The following DOCK4 variants were observed in gnomAD, a reference collection of about 807,000 sequenced individuals.
DOCK4 encodes dedicator of cytokinesis protein 4.
In DOCK4, 97 loss-of-function variants were observed where a neutral mutation model predicts 268.1. That is an observed-to-expected ratio of 0.36 (90% CI 0.31 to 0.43). The LOEUF (loss-of-function observed/expected upper bound fraction) is 0.43. DOCK4 is among the 20% of genes least tolerant of loss of function. The pLI, the probability that DOCK4 is intolerant of heterozygous loss-of-function variation, is 1.00. For synonymous variants in DOCK4, 954 were observed against 887.2 expected (o/e 1.08, Z -1.34); for missense variants, 2,145 against 2,455.7 (o/e 0.87, Z 2.67).
At chr7:112,175,273 TATAAC>T (rs1238007294) in intron 1 of DOCK4, among the ~76,000 whole-genome samples, 4 of 152,166 alleles carry the variant, frequency 2.6e-5, no homozygotes, top group Admixed American at 6.5e-5. Context: ...AAAATTAAAC[TATAAC>T]ATGAGTCTCT....
intron 17 of DOCK4, among the ~76,000 whole-genome samples, chr7:111,875,478 C>A (rs970511108): frequency 6.6e-6 from 1 of 152,162 alleles, no homozygotes; most frequent in Non-Finnish European, 1.5e-5. Flanking sequence ...GCCTCAAGAA[C>A]CTGTTCCAAG....
At chr7:111,731,421 C>A (rs1238049734) in intron 52 of DOCK4, among the ~76,000 whole-genome samples, 1 of 152,178 alleles carries the variant, frequency 6.6e-6, no homozygotes, top group Admixed American at 6.5e-5. Flanking sequence ...GCGTGTAAAT[C>A]CTAAGTCACT....
At chr7:111,961,988 A>C (rs924274494) in intron 8 of DOCK4, among the ~76,000 whole-genome samples, 29 of 152,328 alleles carry the variant, frequency 1.9e-4, no homozygotes, top group African/African-American at 7.0e-4. Context: ...CTAGAAGTTC[A>C]ACCAAGAGCT....
At chr7:111,742,363 T>C (rs773043941) in intron 44 of DOCK4, among the ~76,000 whole-genome samples, 1 of 152,212 alleles carries the variant, frequency 6.6e-6, no homozygotes, top group Non-Finnish European at 1.5e-5. Flanking sequence ...ATTTCAGACT[T>C]AATTTTCCTA....
At position 111,791,070 on chromosome 7, in the gene DOCK4, T is replaced by TTATATATATATATA. The variant is rs35033313; in HGVS notation, c.3167-479_3167-466dup. Among the ~76,000 whole-genome samples the TTATATATATATATA allele has an allele frequency of 1.8e-3, 176 of 95,408 alleles. 2 individuals carry two copies. Among genetic ancestry groups the TTATATATATATATA allele is most frequent in the African/African-American group, 8.5e-3 (141 of 16,504 alleles). 62.6% of individuals were successfully genotyped at this position (95,408 alleles called of 152,430 possible). On this transcript the variant is annotated intron_variant, in intron 30 of 52. Transcript: ENST00000428084. ...AAGACTCTGTCTCAAAAAAAAAAAA[T>TTATATATATATATA]TATATATATATATATATATATATAT...
chr7:111,955,815 T>G (rs1796408519), intron 8 of DOCK4, among the ~76,000 whole-genome samples: 2 of 152,236 alleles, frequency 1.3e-5, no homozygotes, highest in Non-Finnish European at 2.9e-5. Context: ...TTTGACTGAC[T>G]GTTGATTTAA....
At chr7:112,205,948 C>T (rs1057127327) in intron 1 of DOCK4, among the ~76,000 whole-genome samples, 154 bp downstream of exon 1, 4 of 152,298 alleles carry the variant, frequency 2.6e-5, no homozygotes, top group African/African-American at 9.6e-5. Flanking sequence ...AGCCCTCTGC[C>T]TGGAGCTGGC....
chr7:111,958,132 T>G (rs1194769195), intron 8 of DOCK4, among the ~76,000 whole-genome samples: 1 of 152,180 alleles, frequency 6.6e-6, no homozygotes, highest in Non-Finnish European at 1.5e-5. Flanking sequence ...AATAATAGCA[T>G]GATCTCTTAA....
At chr7:111,982,274 C>T (rs556334897) in intron 7 of DOCK4, among the ~76,000 whole-genome samples, 18 of 152,316 alleles carry the variant, frequency 1.2e-4, no homozygotes, top group African/African-American at 4.3e-4. Context: ...CATAAAACCA[C>T]AACCAAACCC....
At chr7:111,924,505 C>T (rs540251275) in intron 12 of DOCK4, among the ~76,000 whole-genome samples, 1 of 152,234 alleles carries the variant, frequency 6.6e-6, no homozygotes, top group South Asian at 2.1e-4. Context: ...CTGGTGCAGG[C>T]AGGAAGGAGA....
At position 111,847,081 on chromosome 7, in the gene DOCK4, A is replaced by T. The variant is rs1479233544; in HGVS notation, c.2519T>A (p.Ile840Asn). The part of the protein sequence containing the change: ...LLPVVLHHLH[I>N]HLQEQKDLIM... ...CAGGTCCTTCTGTTCTTGCAAGTGAATGTGGAGGTGATGTAACACGACAGG... is the reference window on the plus strand; with the variant it reads ...CAGGTCCTTCTGTTCTTGCAAGTGATTGTGGAGGTGATGTAACACGACAGG... The change falls in exon 24 of 53, where the codon ATT becomes AAT. Residue 840 changes from isoleucine (I) to asparagine (N), a missense_variant. Ile to Asn is a moderately radical substitution (Grantham distance 149). Coordinates refer to ENST00000428084, the MANE Select transcript of DOCK4 (RefSeq NM_001363540.2). The T allele has an allele frequency of 9.3e-6, 15 of 1,613,732 alleles. No individual in the cohort carries two copies. In the Admixed American group the frequency reaches 2.5e-4, roughly 27 times the overall value.
intron 26 of DOCK4, among the ~76,000 whole-genome samples, chr7:111,826,837 A>G (rs1802433793): frequency 1.3e-5 from 2 of 152,314 alleles, no homozygotes; most frequent in South Asian, 2.1e-4. Context: ...ATCACGCAAT[A>G]TATTCATTAA....
intron 1 of DOCK4, among the ~76,000 whole-genome samples, chr7:112,087,330 A>G (rs1194771942): frequency 1.3e-5 from 2 of 152,144 alleles, no homozygotes; most frequent in Non-Finnish European, 2.9e-5. Flanking sequence ...TATGGAATCA[A>G]TATAACATAA....
At chr7:112,073,897 C>G (rs1390291118) in intron 1 of DOCK4, among the ~76,000 whole-genome samples, 1 of 152,014 alleles carries the variant, frequency 6.6e-6, no homozygotes, top group Non-Finnish European at 1.5e-5. Context: ...TTTCAGAAAA[C>G]TAGAAGATTT....
chr7:111,852,495 A>T (rs1804658393), intron 23 of DOCK4, among the ~76,000 whole-genome samples: 3 of 149,282 alleles, frequency 2.0e-5, no homozygotes, highest in Non-Finnish European at 4.4e-5. Context: ...TACTTAACAA[A>T]AAGAACCAGA....
chr7:111,984,414 T>TG, intron 6 of DOCK4, 24 bp from the exon 7 acceptor site: 1 of 1,599,734 alleles, frequency 6.3e-7, no homozygotes. Context: ...TGCAAAAGTT[T>TG]GGGGGAAAAG....
chr7:112,088,981 C>T (rs1012804), intron 1 of DOCK4, among the ~76,000 whole-genome samples: 76,056 of 151,898 alleles, frequency 0.5, 21,223 homozygotes, highest in African/African-American at 0.77. Context: ...ATGTTGTCAA[C>T]GTAAAAGACA....
intron 13 of DOCK4, among the ~76,000 whole-genome samples, chr7:111,907,956 G>A (rs1283100531): frequency 6.6e-6 from 1 of 152,086 alleles, no homozygotes; most frequent in Non-Finnish European, 1.5e-5. Flanking sequence ...TTGAACAACT[G>A]AGGTCAAGCA....
At chr7:111,898,508 TTCCTC>T (rs1790859077) in intron 15 of DOCK4, among the ~76,000 whole-genome samples, 1 of 152,228 alleles carries the variant, frequency 6.6e-6, no homozygotes. Context: ...TTATCTGTCT[TTCCTC>T]TCTGGAATGA....
Sources: allele counts gnomAD v4.1 joint callset (sites outside exome capture counted in the v4.1 genomes callset), GRCh38; gene constraint gnomAD v4.1.1; transcripts MANE v1.5; gene names NCBI Gene and HGNC (gene_info 2026-07-23, HGNC 2026-07-21).